The following NUBPL variants were observed in gnomAD, a reference collection of about 807,000 sequenced individuals.
NUBPL encodes the protein NUBP iron-sulfur cluster assembly factor, mitochondrial, also known as iron-sulfur cluster transfer protein NUBPL.
A neutral mutation model predicts 45.7 loss-of-function variants in NUBPL; 31 were observed. The observed-to-expected ratio is 0.68, with a 90% CI of 0.51 to 0.92. The LOEUF is 0.92. NUBPL is among the 40% of genes least tolerant of loss of function. The pLI, the probability that NUBPL is intolerant of heterozygous loss-of-function variation, is 0.00. For missense variants in NUBPL, 401 were observed against 398.7 expected, an observed-to-expected ratio of 1.01 and a Z score of -0.05; for synonymous variants, 144 against 140.9, an observed-to-expected ratio of 1.02 and a Z score of -0.15.
intron 4 of NUBPL, among the ~76,000 whole-genome samples, chr14:31,671,618 A>G (rs2036572250): frequency 1.3e-5 from 2 of 152,216 alleles, no homozygotes; most frequent in Admixed American, 6.5e-5. Context: ...AAAGGTTATA[A>G]TTGGATGCTT....
intron 7 of NUBPL, among the ~76,000 whole-genome samples, chr14:31,812,269 G>A (rs1438362467): frequency 1.3e-5 from 2 of 152,166 alleles, no homozygotes; most frequent in African/African-American, 4.8e-5. Context: ...AGAGACATTT[G>A]GGCCTCGTTG....
At chr14:31,711,269 C>G (rs903479362) in intron 6 of NUBPL, among the ~76,000 whole-genome samples, 3 of 152,176 alleles carry the variant, frequency 2.0e-5, no homozygotes, top group African/African-American at 4.8e-5. Flanking sequence ...AACCAACGCT[C>G]CCAACTCCAA....
chr14:31,817,036 C>G (rs2039931807), intron 7 of NUBPL, among the ~76,000 whole-genome samples: 1 of 151,784 alleles, frequency 6.6e-6, no homozygotes, highest in South Asian at 2.1e-4. Flanking sequence ...GAAGCATTCA[C>G]AGGTTATCAG....
intron 4 of NUBPL, among the ~76,000 whole-genome samples, chr14:31,667,415 CT>C (rs1264154696): frequency 6.6e-6 from 1 of 151,988 alleles, no homozygotes. Context: ...CATTTATCTT[CT>C]TCTCTAAACT....
intron 6 of NUBPL, among the ~76,000 whole-genome samples, chr14:31,775,838 A>G (rs912343181): frequency 2.0e-5 from 3 of 152,160 alleles, no homozygotes; most frequent in African/African-American, 4.8e-5. Context: ...TACCAAAGGT[A>G]GGGTTACCAT....
intron 4 of NUBPL, among the ~76,000 whole-genome samples, chr14:31,642,763 A>G (rs1237343318): frequency 6.6e-6 from 1 of 151,886 alleles, no homozygotes; most frequent in East Asian, 1.9e-4. Context: ...TGAATCTGTA[A>G]TATTAATTCT....
chr14:31,583,442 A>C (rs1272349237), intron 3 of NUBPL, among the ~76,000 whole-genome samples: 1 of 152,204 alleles, frequency 6.6e-6, no homozygotes. Flanking sequence ...ATGGTAAATA[A>C]GATAGTTTGA....
chr14:31,701,344 C>T (rs147979537), intron 6 of NUBPL, among the ~76,000 whole-genome samples: 1,835 of 152,100 alleles, frequency 0.012, 27 homozygotes, highest in African/African-American at 0.034. Context: ...GGATCGTAAA[C>T]GCACCAGTCA....
chr14:31,752,018 C>T (rs1216131849), intron 6 of NUBPL, among the ~76,000 whole-genome samples: 2 of 152,206 alleles, frequency 1.3e-5, no homozygotes, highest in African/African-American at 4.8e-5. Flanking sequence ...GGAGCTGGGA[C>T]ACAGGGTGCC....
intron 6 of NUBPL, among the ~76,000 whole-genome samples, chr14:31,709,032 C>A (rs372522267): frequency 6.6e-6 from 1 of 152,156 alleles, no homozygotes; most frequent in East Asian, 1.9e-4. Flanking sequence ...ACTAAGGCTG[C>A]GGTCTTTCTC....
intron 4 of NUBPL, chr14:31,654,023 T>A (rs2036079007): frequency 4.6e-6 from 2 of 433,526 alleles, no homozygotes; most frequent in Non-Finnish European, 9.4e-6. Flanking sequence ...TCTGTTTTTC[T>A]TTGCTACTAT....
intron 10 of NUBPL, among the ~76,000 whole-genome samples, chr14:31,853,051 A>T (rs1172024291): frequency 6.6e-6 from 1 of 151,430 alleles, no homozygotes; most frequent in Admixed American, 6.6e-5. Flanking sequence ...TTAATTATCC[A>T]CTTTAGACTG....
chr14:31,673,673 T>C, intron 6 of NUBPL, 99 bp downstream of exon 6: 1 of 1,044,136 alleles, frequency 9.6e-7, no homozygotes, highest in East Asian at 2.5e-5. Flanking sequence ...CAGGAATCAG[T>C]TGATGGGATG....
rs183312695 is a variant in NUBPL at position 31,646,568 on chromosome 14, G to A, written c.383-26787G>A. Among the ~76,000 whole-genome samples the A allele has an allele frequency of 3.3e-5, 5 of 152,214 alleles. No individual in the cohort carries two copies. The East Asian group carries it at 5.8e-4, about 18-fold the overall frequency. On this transcript the variant is annotated intron_variant, in intron 4 of 10. Transcript: ENST00000281081. ...TGGCCTGTATGGTTTCTGTTGAGAA[G>A]TGTGTTGCCAAATGAATTGGAGCTC... is the stretch of plus-strand genomic sequence containing the variant.
At chr14:31,575,389 GC>G (rs1363206707) in intron 3 of NUBPL, among the ~76,000 whole-genome samples, 3 of 152,144 alleles carry the variant, frequency 2.0e-5, no homozygotes, top group Non-Finnish European at 4.4e-5. Flanking sequence ...TTCTGGCTCT[GC>G]CTCCTGCAAA....
intron 4 of NUBPL, among the ~76,000 whole-genome samples, chr14:31,615,239 A>G (rs1595371492): frequency 6.6e-6 from 1 of 151,948 alleles, no homozygotes; most frequent in Non-Finnish European, 1.5e-5. Context: ...GCCTTCCACC[A>G]TGATTGTAAG....
chr14:31,802,996 G>C (rs966737598), intron 7 of NUBPL, among the ~76,000 whole-genome samples: 58 of 152,284 alleles, frequency 3.8e-4, no homozygotes, highest in African/African-American at 1.3e-3. Context: ...AAAAATTCTT[G>C]AGAAAAAGTT....
In NUBPL at chr14:31,602,892, T is replaced by C. The variant is rs146750777; in HGVS notation, c.382+3513T>C. 8.5e-3 allele frequency among the ~76,000 whole-genome samples: 1,301 copies of C among 152,364 alleles called. 6 individuals carry two copies. Among genetic ancestry groups the C allele is most frequent in the Middle Eastern group, 0.02 (6 of 294 alleles). On this transcript the variant is annotated intron_variant, in intron 4 of 10. Transcript: ENST00000281081. ...AAAAAACTCCCAAAACATTATTTTC[T>C]TTCCCTAGCCTCTTTACTAGAAAGA...
intron 4 of NUBPL, among the ~76,000 whole-genome samples, chr14:31,624,599 C>G (rs1363906777): frequency 6.6e-6 from 1 of 152,178 alleles, no homozygotes; most frequent in East Asian, 1.9e-4. Context: ...GAGTCTCACT[C>G]TGTTGCCCAG....
Sources: gnomAD v4.1 joint callset for allele counts (sites outside exome capture counted in the v4.1 genomes callset) on GRCh38, gnomAD v4.1.1 for gene constraint, MANE v1.5 for transcripts, NCBI Gene and HGNC (gene_info 2026-07-23, HGNC 2026-07-21) for gene names.